Variants in ARHGAP6 observed in about 807,000 individuals in gnomAD.
ARHGAP6 encodes the protein Rho GTPase activating protein 6.
Under a neutral mutation model 55.7 loss-of-function variants are expected in ARHGAP6, and 16 were observed. The observed-to-expected ratio is 0.29, with a 90% CI of 0.19 to 0.44. The LOEUF is 0.44. ARHGAP6 is among the 20% of genes least tolerant of loss of function. The probability of loss-of-function intolerance (pLI) is 1.00; values close to 1 mark genes in which losing one functional copy is unlikely to be tolerated. For synonymous variants in ARHGAP6, 382 were observed against 360.9 expected, an observed-to-expected ratio of 1.06 and a Z score of -0.66; for missense variants, 698 against 808.9, an observed-to-expected ratio of 0.86 and a Z score of 1.66.
chrX:11,266,595 G>A (rs546227004), intron 1 of ARHGAP6, among the ~76,000 whole-genome samples: 16 of 110,792 alleles, frequency 1.4e-4, no homozygotes, highest in African/African-American at 5.3e-4. Flanking sequence ...GTTCAGGTTG[G>A]GGTGGGGGTT....
chrX:11,590,862 A>AAAGAAAGAAAG, intron 1 of ARHGAP6, among the ~76,000 whole-genome samples: 1 of 20,218 alleles, frequency 4.9e-5, no homozygotes, highest in East Asian at 2.6e-3. Flanking sequence ...AAAAGAAAAG[A>AAAGAAAGAAAG]AAAGAAGGAA....
Position 11,144,026 on chromosome X carries a change from C to A in ARHGAP6, c.2130G>T (p.Ser710=). 1.7e-6 allele frequency: 2 copies of A among 1,211,616 alleles called. No homozygotes were observed. Among genetic ancestry groups the A allele is most frequent in the Non-Finnish European group, 2.2e-6 (2 of 895,516 alleles). Residue 710 remains serine (S), a synonymous_variant, in exon 11 of 13, where the codon TCG becomes TCT. Transcript: ENST00000337414. ...PGQFMLVGHL[S]SSKSRESSPG... The stretch of plus-strand genomic sequence containing the variant: ...GAGAACTTTCCCTTGACTTTGACGA[C>A]GACAAGTGGCCCACCAGCATAAACT...
intron 1 of ARHGAP6, among the ~76,000 whole-genome samples, chrX:11,337,846 G>A (rs1328135548): frequency 8.9e-6 from 1 of 112,289 alleles, no homozygotes; most frequent in Non-Finnish European, 1.9e-5. Flanking sequence ...TCAAAGTTCT[G>A]CTGGCTTTAC....
At chrX:11,168,353 A>G (rs1473728140) in intron 9 of ARHGAP6, among the ~76,000 whole-genome samples, 12 of 112,549 alleles carry the variant, frequency 1.1e-4, no homozygotes, top group African/African-American at 3.2e-4. Context: ...ACTTTCACGT[A>G]TCAAATGATT....
intron 1 of ARHGAP6, among the ~76,000 whole-genome samples, chrX:11,354,325 C>CTA (rs1221987760): frequency 3.5e-3 from 167 of 47,545 alleles, no homozygotes; most frequent in African/African-American, 7.9e-3. Flanking sequence ...CTCTCTCTCT[C>CTA]TCTATATATA....
At chrX:11,575,730 A>G (rs757694018) in intron 1 of ARHGAP6, among the ~76,000 whole-genome samples, 1 of 112,385 alleles carries the variant, frequency 8.9e-6, no homozygotes, top group Non-Finnish European at 1.9e-5. Context: ...CTTTGAAAGC[A>G]GAAATGAAAG....
At chrX:11,151,326 C>A (rs73496346) in intron 10 of ARHGAP6, among the ~76,000 whole-genome samples, 20,567 of 107,106 alleles carry the variant, frequency 0.19, 1,530 homozygotes, top group Middle Eastern at 0.26. Context: ...GTGCAGTGGC[C>A]TAATCTTGGC....
intron 2 of ARHGAP6, among the ~76,000 whole-genome samples, chrX:11,230,665 A>ATG (rs746799072): frequency 1.2e-4 from 13 of 107,724 alleles, no homozygotes; most frequent in Middle Eastern, 4.9e-3. Context: ...ATACGTATAT[A>ATG]TGTGTGTGTG....
At chrX:11,441,092 G>C (rs1229363836) in intron 1 of ARHGAP6, among the ~76,000 whole-genome samples, 1 of 111,604 alleles carries the variant, frequency 9.0e-6, no homozygotes, top group African/African-American at 3.3e-5. Context: ...GGAAATCAAA[G>C]GGATGCTCTC....
intron 1 of ARHGAP6, among the ~76,000 whole-genome samples, chrX:11,353,387 CA>C (rs890453690): frequency 2.7e-5 from 3 of 111,580 alleles, no homozygotes; most frequent in African/African-American, 9.8e-5. Context: ...ACAAAAACAG[CA>C]AAAAAAGTTC....
At chrX:11,410,102 C>T (rs1385304853) in intron 1 of ARHGAP6, among the ~76,000 whole-genome samples, 1 of 111,938 alleles carries the variant, frequency 8.9e-6, no homozygotes, top group African/African-American at 3.2e-5. Flanking sequence ...CCTATAATGA[C>T]CAAGCAATTC....
At chrX:11,280,469 G>T (rs950851410) in intron 1 of ARHGAP6, among the ~76,000 whole-genome samples, 3 of 111,853 alleles carry the variant, frequency 2.7e-5, no homozygotes, top group Non-Finnish European at 5.6e-5. Flanking sequence ...TCTGGTTTTT[G>T]TTAGTCTTGC....
intron 1 of ARHGAP6, among the ~76,000 whole-genome samples, chrX:11,511,664 G>T (rs2050785789): frequency 9.0e-6 from 1 of 111,491 alleles, no homozygotes; most frequent in Non-Finnish European, 1.9e-5. Context: ...TGATATTTTG[G>T]TCCATTGCAG....
rs749447039 is a variant in ARHGAP6, at chrX:11,424,236, A to G, written c.589-169529T>C. Among the ~76,000 whole-genome samples, 4 of 112,342 alleles carry G rather than the reference A, an allele frequency of 3.6e-5. No homozygotes were observed. In the South Asian group the frequency reaches 1.1e-3, roughly 31 times the overall value. ...CTCTCAGTTCTGTCAGCAGCGACACATGTGCTGCCTTGAATTCTACTGTTC... is the reference window on the plus strand; with the variant it reads ...CTCTCAGTTCTGTCAGCAGCGACACGTGTGCTGCCTTGAATTCTACTGTTC... On this transcript the variant is annotated intron_variant, in intron 1 of 12. Transcript: ENST00000337414.
chrX:11,643,177 C>T (rs1307890947), intron 1 of ARHGAP6, among the ~76,000 whole-genome samples: 1 of 111,832 alleles, frequency 8.9e-6, no homozygotes, highest in East Asian at 2.8e-4. Context: ...GAGGATAACA[C>T]CAGAGCCTTG....
intron 1 of ARHGAP6, among the ~76,000 whole-genome samples, chrX:11,380,066 T>C (rs2049244735): frequency 8.9e-6 from 1 of 111,884 alleles, no homozygotes; most frequent in African/African-American, 3.2e-5. Flanking sequence ...AGAAGACAAT[T>C]TGTGATTAGA....
intron 1 of ARHGAP6, chrX:11,296,974 T>C: frequency 1.2e-6 from 1 of 858,991 alleles, no homozygotes; most frequent in Non-Finnish European, 1.7e-6. Context: ...CAGTTTAAGC[T>C]CTGATGGTTG....
intron 1 of ARHGAP6, among the ~76,000 whole-genome samples, chrX:11,541,697 A>C (rs2051159341): frequency 1.8e-5 from 2 of 112,188 alleles, no homozygotes; most frequent in African/African-American, 6.5e-5. Context: ...GACTGAGCAC[A>C]TTTACTGATT....
At chrX:11,573,207 A>G (rs2051550181) in intron 1 of ARHGAP6, among the ~76,000 whole-genome samples, 1 of 109,748 alleles carries the variant, frequency 9.1e-6, no homozygotes, top group African/African-American at 3.3e-5. Flanking sequence ...CCATTTGTCA[A>G]TTTTGGCTTT....
Sources: allele counts gnomAD v4.1 joint callset (sites outside exome capture counted in the v4.1 genomes callset), GRCh38; gene constraint gnomAD v4.1.1; transcripts MANE v1.5; gene names NCBI Gene and HGNC (gene_info 2026-07-23, HGNC 2026-07-21).